CLSTN1: variants seen among roughly 807,000 people sequenced by gnomAD.
The protein encoded by CLSTN1 is calsyntenin 1, also known as calsyntenin-1.
Under a neutral mutation model 108.3 loss-of-function variants are expected in CLSTN1, and 28 were observed. The ratio of observed to expected loss-of-function variants is 0.26; its 90% CI spans 0.19 to 0.35. The LOEUF (loss-of-function observed/expected upper bound fraction) is 0.35, where lower values mean the gene tolerates loss of function less well. Among genes scored for constraint, CLSTN1 ranks in the 10% least tolerant of loss-of-function variants. The pLI, the probability that CLSTN1 is intolerant of heterozygous loss-of-function variation, is 1.00. For missense variants in CLSTN1, 1,157 were observed against 1,302.6 expected, an observed-to-expected ratio of 0.89 and a Z score of 1.72; for synonymous variants, 524 against 534.9, an observed-to-expected ratio of 0.98 and a Z score of 0.28.
chr1:9,776,370 C>T (rs967930380), intron 1 of CLSTN1, among the ~76,000 whole-genome samples: 7 of 152,126 alleles, frequency 4.6e-5, no homozygotes, highest in Non-Finnish European at 5.9e-5. Context: ...TAAACCCAGA[C>T]CCCGGGGAGT....
chr1:9,815,765 G>A (rs995333738), intron 1 of CLSTN1, among the ~76,000 whole-genome samples: 10 of 152,166 alleles, frequency 6.6e-5, no homozygotes, highest in South Asian at 4.2e-4. Flanking sequence ...GTGAAACCCC[G>A]TCTCTACTAA....
At chr1:9,814,221 G>A (rs1363656729) in intron 1 of CLSTN1, among the ~76,000 whole-genome samples, 1 of 147,428 alleles carries the variant, frequency 6.8e-6, no homozygotes, top group South Asian at 2.1e-4. Context: ...ACCAATCTGG[G>A]CAATATGGTA....
intron 9 of CLSTN1, among the ~76,000 whole-genome samples, chr1:9,741,806 G>A (rs893085530): frequency 2.6e-5 from 4 of 152,120 alleles, no homozygotes; most frequent in Non-Finnish European, 4.4e-5. Flanking sequence ...CAGCTACTTG[G>A]GAGGCTGAGG....
At chr1:9,801,151 C>T (rs1208641318) in intron 1 of CLSTN1, among the ~76,000 whole-genome samples, 1 of 151,768 alleles carries the variant, frequency 6.6e-6, no homozygotes, top group Non-Finnish European at 1.5e-5. Flanking sequence ...GAGGCTGAGG[C>T]AGGAGAATCA....
At position 9,816,794 on chromosome 1, in the gene CLSTN1, G is replaced by C. The variant is rs538051453; in HGVS notation, c.91+6849C>G. 2.9e-4 allele frequency among the ~76,000 whole-genome samples: 44 copies of C among 152,280 alleles called. 2 individuals carry two copies. In the South Asian group the frequency reaches 8.5e-3, roughly 29 times the overall value. ...CCCAAGTAGCTGGGATTACAGGCAT[G>C]TGCCACCACGCCCAGCTAATTTTGT... is the stretch of plus-strand genomic sequence containing the variant. On this transcript the variant is annotated intron_variant, in intron 1 of 18. Coordinates refer to ENST00000377298, the MANE Select transcript of CLSTN1 (RefSeq NM_001009566.3).
In CLSTN1 at chr1:9,792,119, T is replaced by C. The variant is rs923317695; in HGVS notation, c.92-18725A>G. Among the ~76,000 whole-genome samples, 30 of 150,240 alleles carry C rather than the reference T, an allele frequency of 2.0e-4. 1 individual carries two copies. Among genetic ancestry groups the C allele is most frequent in the Admixed American group, 1.6e-3 (24 of 14,712 alleles). ...ATCATTTGAACCTGCGAGGTGGAGG[T>C]TGCAGTGAGCTGAGATCGGTCGTGC... is the stretch of plus-strand genomic sequence containing the variant. On this transcript the variant is annotated intron_variant, in intron 1 of 18. Coordinates refer to ENST00000377298, the MANE Select transcript of CLSTN1 (RefSeq NM_001009566.3).
chr1:9,760,692 T>G (rs1277989939), intron 2 of CLSTN1, among the ~76,000 whole-genome samples: 2 of 146,468 alleles, frequency 1.4e-5, no homozygotes, highest in African/African-American at 2.6e-5. Flanking sequence ...GGGTTTTTTT[T>G]TTTTTTTTTT....
intron 1 of CLSTN1, among the ~76,000 whole-genome samples, chr1:9,788,419 A>C (rs1653595371): frequency 1.3e-5 from 2 of 151,050 alleles, no homozygotes; most frequent in African/African-American, 4.8e-5. Flanking sequence ...AAAAATACAA[A>C]AATTAGCTGG....
At chr1:9,731,145 C>A in intron 18 of CLSTN1, 61 bp downstream of exon 18, 1 of 1,599,230 alleles carries the variant, frequency 6.3e-7, no homozygotes, top group Non-Finnish European at 8.6e-7. Context: ...GCCGTACCGG[C>A]TTCTCGGAGG....
chr1:9,753,585 A>T lies in CLSTN1; in HGVS notation c.440+1529T>A, dbSNP rs111367680. ...TGGCTCAGTGCAACCTCCACCTCCC[A>T]GGTTCAAGTGATTCTCCTGCCTCAG... On this transcript the variant is annotated intron_variant, in intron 4 of 18. Transcript: ENST00000377298. 2.6e-5 allele frequency among the ~76,000 whole-genome samples: 4 copies of T among 151,000 alleles called. No individual in the cohort carries two copies. The South Asian group carries it at 6.3e-4, about 24-fold the overall frequency.
At chr1:9,784,617 A>G (rs1355994111) in intron 1 of CLSTN1, among the ~76,000 whole-genome samples, 1 of 152,168 alleles carries the variant, frequency 6.6e-6, no homozygotes, top group African/African-American at 2.4e-5. Context: ...ATTGCAAGAG[A>G]CTGTTGGCGT....
At chr1:9,751,326 T>C (rs2101109694) in intron 5 of CLSTN1, 147 bp downstream of exon 5, 1 of 699,634 alleles carries the variant, frequency 1.4e-6, no homozygotes, top group East Asian at 2.7e-5. Flanking sequence ...TAAATGTTTT[T>C]ACAATTAAAA....
In CLSTN1 at chr1:9,805,745, T is replaced by A. The variant is rs143982593; in HGVS notation, c.91+17898A>T. Among the ~76,000 whole-genome samples, 856 of 151,114 alleles carry A rather than the reference T, an allele frequency of 5.7e-3. 7 individuals carry two copies. Among genetic ancestry groups the A allele is most frequent in the Middle Eastern group, 0.021 (6 of 288 alleles). On this transcript the variant is annotated intron_variant, in intron 1 of 18. Coordinates refer to ENST00000377298, the MANE Select transcript of CLSTN1 (RefSeq NM_001009566.3). ...AACCAGGTGTGGTGGTGCGCGCCTATAGTCCCAGCTACTCAGGAGGCTGAG... is the reference window on the plus strand; with the variant it reads ...AACCAGGTGTGGTGGTGCGCGCCTAAAGTCCCAGCTACTCAGGAGGCTGAG...
chr1:9,744,564 A>G lies in CLSTN1; in HGVS notation c.1065T>C (p.Asn355=). ...CAAACACCTGGTCGCTGTCGTGGCC[A>G]TTGTCGGTGGGCAGGCCCATGGTCC... The part of the protein sequence containing the change: ...LNWTMGLPTD[N]GHDSDQVFEF... The change falls in exon 8 of 19, where the codon AAT becomes AAC. Residue 355 remains asparagine (N), a synonymous_variant. Coordinates refer to ENST00000377298, the MANE Select transcript of CLSTN1 (RefSeq NM_001009566.3). 1 of 1,612,774 alleles carries G rather than the reference A, an allele frequency of 6.2e-7. No homozygotes were observed. The highest frequency in any genetic ancestry group is 8.5e-7 in the Non-Finnish European group (1 of 1,179,862).
rs749102307 is a variant in CLSTN1, at chr1:9,751,635, C to G, written c.487G>C (p.Val163Leu). The stretch of plus-strand genomic sequence containing the variant: ...GCTTTGTAGGACTTCTCCTTGAACA[C>G]GGGCGCGTACTCATTCACGTCGTTC... ...QVNDVNEYAP[V>L]FKEKSYKATV... Residue 163 changes from valine to leucine, a missense_variant, in exon 5 of 19, where the codon GTG (valine) becomes CTG (leucine). Val to Leu is a conservative substitution (Grantham distance 32). Coordinates refer to ENST00000377298, the MANE Select transcript of CLSTN1 (RefSeq NM_001009566.3). 1 of 1,614,130 alleles carries G rather than the reference C, an allele frequency of 6.2e-7. No homozygotes were observed. The highest frequency in any genetic ancestry group is 8.5e-7 in the Non-Finnish European group (1 of 1,180,034).
rs116296445 is a variant in CLSTN1 at position 9,755,555 on chromosome 1, G to A, written c.245-246C>T. 2.5e-3 allele frequency among the ~76,000 whole-genome samples: 377 copies of A among 152,222 alleles called. 3 individuals are homozygous for A. Among genetic ancestry groups the A allele is most frequent in the African/African-American group, 8.7e-3 (361 of 41,530 alleles). On this transcript the variant is annotated intron_variant, in intron 3 of 18. Transcript: ENST00000377298. Reference sequence around the variant, plus strand: ...GTTTACTTTGCATCCATTCATGCAGGAATACAAAAGAGAGAGAGAAGAAAA... The same window carrying A: ...GTTTACTTTGCATCCATTCATGCAGAAATACAAAAGAGAGAGAGAAGAAAA...
At chr1:9,804,887 G>A (rs1056468884) in intron 1 of CLSTN1, among the ~76,000 whole-genome samples, 2 of 152,174 alleles carry the variant, frequency 1.3e-5, no homozygotes, top group Admixed American at 1.3e-4. Flanking sequence ...CACTTTGGGA[G>A]GCCGAAGCAG....
intron 10 of CLSTN1, among the ~76,000 whole-genome samples, chr1:9,739,324 T>G (rs1377606596): frequency 6.6e-6 from 1 of 152,212 alleles, no homozygotes; most frequent in African/African-American, 2.4e-5. Context: ...ACTTGGAACT[T>G]ACACCACTGT....
At chr1:9,778,695 T>G (rs1242379700) in intron 1 of CLSTN1, among the ~76,000 whole-genome samples, 1 of 152,114 alleles carries the variant, frequency 6.6e-6, no homozygotes, top group African/African-American at 2.4e-5. Flanking sequence ...GTCCATAGGC[T>G]GCTCTGAAAC....
Sources: gnomAD v4.1 joint callset for allele counts (sites outside exome capture counted in the v4.1 genomes callset) on GRCh38, gnomAD v4.1.1 for gene constraint, MANE v1.5 for transcripts, NCBI Gene and HGNC (gene_info 2026-07-23, HGNC 2026-07-21) for gene names.